The following ITPR1 variants were observed in gnomAD, a reference collection of about 807,000 sequenced individuals.
The protein encoded by ITPR1 is inositol 1,4,5-trisphosphate receptor type 1, also known as inositol 1,4,5-trisphosphate-gated calcium channel ITPR1.
ITPR1 carries 96 observed loss-of-function variants against 318.4 expected under a neutral mutation model. The ratio of observed to expected loss-of-function variants is 0.30; its 90% CI spans 0.26 to 0.36. ITPR1 has a LOEUF of 0.36. Among genes scored for constraint, ITPR1 ranks in the 10% least tolerant of loss-of-function variants. The pLI, the probability that ITPR1 is intolerant of heterozygous loss-of-function variation, is 1.00. For synonymous variants in ITPR1, 1,312 were observed against 1,289.9 expected (o/e 1.02, Z -0.37); for missense variants, 2,440 against 3,460.2 (o/e 0.71, Z 7.40).
intron 12 of ITPR1, among the ~76,000 whole-genome samples, chr3:4,654,372 G>A (rs2093659374): frequency 6.6e-6 from 1 of 152,206 alleles, no homozygotes; most frequent in African/African-American, 2.4e-5. Context: ...ATCCGTCCTT[G>A]ATTTCTGCAA....
At chr3:4,627,584 C>T (rs1265759884) in intron 4 of ITPR1, among the ~76,000 whole-genome samples, 179 bp from the exon 5 acceptor site, 4 of 152,162 alleles carry the variant, frequency 2.6e-5, no homozygotes, top group Non-Finnish European at 4.4e-5. Context: ...TTGGTTTCCT[C>T]GGCGGTGGTG....
chr3:4,752,278 C>G (rs1427390580), intron 44 of ITPR1, among the ~76,000 whole-genome samples: 1 of 152,154 alleles, frequency 6.6e-6, no homozygotes, highest in African/African-American at 2.4e-5. Context: ...TTGTAGCTAT[C>G]AAGTCTGGGG....
At chr3:4,605,055 T>G (rs551624743) in intron 4 of ITPR1, among the ~76,000 whole-genome samples, 3 of 152,210 alleles carry the variant, frequency 2.0e-5, no homozygotes, top group Admixed American at 1.3e-4. Context: ...CACTGCAACC[T>G]CCGCCTCCCA....
At chr3:4,495,975 A>G (rs1424683343) in intron 2 of ITPR1, among the ~76,000 whole-genome samples, 3 of 152,228 alleles carry the variant, frequency 2.0e-5, no homozygotes, top group Non-Finnish European at 2.9e-5. Flanking sequence ...AGCCACAAAC[A>G]TAGGGATAAA....
intron 44 of ITPR1, among the ~76,000 whole-genome samples, chr3:4,738,231 A>C (rs1330384716): frequency 2.0e-5 from 3 of 152,216 alleles, no homozygotes; most frequent in Non-Finnish European, 2.9e-5. Flanking sequence ...AAGAAAAAAA[A>C]CAACAACTCA....
At chr3:4,551,173 C>T (rs1014417592) in intron 4 of ITPR1, among the ~76,000 whole-genome samples, 6 of 152,162 alleles carry the variant, frequency 3.9e-5, no homozygotes, top group Non-Finnish European at 8.8e-5. Context: ...AGGGAAGTGC[C>T]TTTTCTGCAA....
intron 4 of ITPR1, among the ~76,000 whole-genome samples, chr3:4,548,854 G>C (rs1244050173): frequency 6.6e-6 from 1 of 152,210 alleles, no homozygotes; most frequent in African/African-American, 2.4e-5. Context: ...GTTTGCATTA[G>C]ACACTTGTTC....
At chr3:4,702,132 G>GTT (rs55997534) in intron 35 of ITPR1, among the ~76,000 whole-genome samples, 1 of 151,968 alleles carries the variant, frequency 6.6e-6, no homozygotes, top group Non-Finnish European at 1.5e-5. Context: ...TACTCAGAAA[G>GTT]TCAGTGTCAA....
intron 42 of ITPR1, among the ~76,000 whole-genome samples, chr3:4,729,520 C>A (rs2042752331): frequency 6.6e-6 from 1 of 152,170 alleles, no homozygotes. Context: ...GTGGCTGGAA[C>A]CTGGGAAACC....
intron 11 of ITPR1, 98 bp from the exon 12 acceptor site, chr3:4,653,744 T>A (rs2093646049): frequency 1.3e-6 from 1 of 793,546 alleles, no homozygotes. Context: ...TCTTAGCTGT[T>A]CAAGGATGTT....
At chr3:4,783,489 T>G (rs1354487103) in intron 50 of ITPR1, among the ~76,000 whole-genome samples, 1 of 149,812 alleles carries the variant, frequency 6.7e-6, no homozygotes, top group Non-Finnish European at 1.5e-5. Flanking sequence ...CATGACCACA[T>G]CTGCCACCGA....
At chr3:4,508,354 T>A (rs759185849) in intron 2 of ITPR1, among the ~76,000 whole-genome samples, 2 of 152,042 alleles carry the variant, frequency 1.3e-5, no homozygotes, top group Non-Finnish European at 2.9e-5. Context: ...GATTAAGTGA[T>A]CCCTTAGGTA....
At chr3:4,722,061 C>T (rs1486397047) in intron 40 of ITPR1, among the ~76,000 whole-genome samples, 1 of 152,142 alleles carries the variant, frequency 6.6e-6, no homozygotes, top group East Asian at 1.9e-4. Context: ...ACCCAAGGTA[C>T]CATAATGAGG....
rs763876605 is a variant in ITPR1 at position 4,516,460 on chromosome 3, A to G, written c.-16-16A>G. 1 of 1,297,498 alleles carries G rather than the reference A, an allele frequency of 7.7e-7. No homozygotes were observed. The highest frequency in any genetic ancestry group is 1.1e-6 in the Non-Finnish European group (1 of 928,776). 80.4% of individuals were successfully genotyped at this position (1,297,498 alleles called of 1,614,324 possible). ...TTCTTTTCTTCTAACAATGCTGCATATTTTACTTTGTCTAGGATTTTCAAG... is the reference window on the plus strand; with the variant it reads ...TTCTTTTCTTCTAACAATGCTGCATGTTTTACTTTGTCTAGGATTTTCAAG... On this transcript the variant is annotated splice_polypyrimidine_tract_variant and intron_variant, in intron 2 of 61. Coordinates refer to ENST00000649015, the MANE Select transcript of ITPR1 (RefSeq NM_001378452.1).
chr3:4,663,522 G>A (rs1485853653), intron 16 of ITPR1, among the ~76,000 whole-genome samples: 2 of 152,176 alleles, frequency 1.3e-5, no homozygotes, highest in Admixed American at 1.3e-4. Flanking sequence ...TAGGTTCTCA[G>A]CAAGATTGTG....
Position 4,710,998 on chromosome 3 carries a change from G to A in ITPR1, c.4991+525G>A, listed in dbSNP as rs192661834. ...AGGCCGGGGCTGGTGAATCACCTGA[G>A]GTCAGGGGTTCAAGACCAGCCTGGC... On this transcript the variant is annotated intron_variant, in intron 38 of 61. Coordinates refer to ENST00000649015, the MANE Select transcript of ITPR1 (RefSeq NM_001378452.1). The surrounding 1 kb of genome is among the most constrained non-coding windows in gnomAD (Gnocchi z 4.2). Among the ~76,000 whole-genome samples the A allele has an allele frequency of 3.3e-5, 5 of 152,162 alleles. No homozygotes were observed. Among genetic ancestry groups the A allele is most frequent in the African/African-American group, 1.2e-4 (5 of 41,532 alleles).
At chr3:4,801,822 A>T (rs80129583) in intron 54 of ITPR1, among the ~76,000 whole-genome samples, 8,295 of 152,256 alleles carry the variant, frequency 0.054, 312 homozygotes, top group Middle Eastern at 0.092. Flanking sequence ...AATGGAGAGG[A>T]TCTGGCCATG....
chr3:4,547,106 C>T (rs1341308233), intron 4 of ITPR1, among the ~76,000 whole-genome samples: 1 of 152,310 alleles, frequency 6.6e-6, no homozygotes, highest in East Asian at 1.9e-4. Context: ...CTACTCCATT[C>T]AAGGCCTGTG....
intron 42 of ITPR1, among the ~76,000 whole-genome samples, chr3:4,731,387 T>A (rs773338281): frequency 2.5e-4 from 38 of 152,208 alleles, no homozygotes; most frequent in Non-Finnish European, 4.7e-4. Flanking sequence ...ACTTAAAATA[T>A]CACCAGTAAC....
Sources: allele counts gnomAD v4.1 joint callset (sites outside exome capture counted in the v4.1 genomes callset), GRCh38; gene constraint gnomAD v4.1.1; non-coding constraint Gnocchi (gnomAD v3.1); transcripts MANE v1.5; gene names NCBI Gene and HGNC (gene_info 2026-07-23, HGNC 2026-07-21).